SNX14: variants seen among roughly 807,000 people sequenced by gnomAD.
SNX14 encodes the protein sorting nexin 14, also known as sorting nexin-14.
In SNX14, 93 loss-of-function variants were observed where a neutral mutation model predicts 133.8. The ratio of observed to expected loss-of-function variants is 0.70; its 90% CI spans 0.59 to 0.83. The LOEUF (loss-of-function observed/expected upper bound fraction) is 0.83, where lower values mean the gene tolerates loss of function less well. Among genes scored for constraint, SNX14 ranks in the 40% least tolerant of loss-of-function variants. SNX14 has a pLI of 0.00. For missense variants in SNX14, 945 were observed against 1,094.9 expected (o/e 0.86, Z 1.93); for synonymous variants, 368 against 365.6 (o/e 1.01, Z -0.07).
chr6:85,505,749 C>A lies in SNX14; in HGVS notation c.*218G>T, dbSNP rs1174623556. 6 of 517,064 alleles carry A rather than the reference C, an allele frequency of 1.2e-5. No individual in the cohort carries two copies. The East Asian group carries it at 1.7e-4, about 15-fold the overall frequency. 32.0% of individuals were successfully genotyped at this position (517,064 alleles called of 1,614,324 possible). A position where few individuals can be genotyped will look rare whatever the true frequency, so the allele number is the denominator to read the frequency against. Reference sequence around the variant, plus strand: ...ATGGCAATAACAAGTGACTTATGTTCTAATAAAATTTGGATCACAGCTAGC... The same window carrying A: ...ATGGCAATAACAAGTGACTTATGTTATAATAAAATTTGGATCACAGCTAGC... On this transcript the variant is annotated 3_prime_UTR_variant, in exon 29 of 29. Coordinates refer to ENST00000314673, the MANE Select transcript of SNX14 (RefSeq NM_153816.6).
chr6:85,589,868 T>C (rs1802262694), intron 1 of SNX14, among the ~76,000 whole-genome samples: 1 of 152,252 alleles, frequency 6.6e-6, no homozygotes, highest in Non-Finnish European at 1.5e-5. Flanking sequence ...GTTCTCTCTA[T>C]TGGAGTTCTC....
chr6:85,523,263 G>A (rs1407839373), intron 21 of SNX14, among the ~76,000 whole-genome samples: 1 of 152,130 alleles, frequency 6.6e-6, no homozygotes, highest in Admixed American at 6.5e-5. Flanking sequence ...TTTAGATATG[G>A]TCAAACGTGT....
intron 1 of SNX14, among the ~76,000 whole-genome samples, chr6:85,592,728 G>A (rs1466363876): frequency 1.3e-5 from 2 of 151,642 alleles, no homozygotes; most frequent in East Asian, 3.9e-4. Context: ...GGTGGCTCAC[G>A]CCTGTAATCC....
intron 2 of SNX14, among the ~76,000 whole-genome samples, chr6:85,573,437 G>A (rs940692849): frequency 2.6e-5 from 4 of 151,942 alleles, no homozygotes; most frequent in Non-Finnish European, 4.4e-5. Flanking sequence ...CCAAAATGGC[G>A]CCACCGCACT....
rs1480633826 is a variant in SNX14 at position 85,547,577 on chromosome 6, A to C, written c.868-27T>G. On this transcript the variant is annotated intron_variant, in intron 9 of 28. Coordinates refer to ENST00000314673, the MANE Select transcript of SNX14 (RefSeq NM_153816.6). ...TAGTGGAAAATAATAAACATAAGTCAAAATAATTCCACTACTGTATTCTCC... is the reference window on the plus strand; with the variant it reads ...TAGTGGAAAATAATAAACATAAGTCCAAATAATTCCACTACTGTATTCTCC... 1.9e-6 allele frequency: 3 copies of C among 1,542,454 alleles called. No individual in the cohort carries two copies. The African/African-American group carries it at 4.2e-5, about 22-fold the overall frequency.
intron 26 of SNX14, among the ~76,000 whole-genome samples, chr6:85,509,124 TGAG>T (rs982081381): frequency 1.3e-5 from 2 of 152,184 alleles, no homozygotes; most frequent in Non-Finnish European, 1.5e-5. Flanking sequence ...AAGTAAGAGA[TGAG>T]GAGCAGAGGA....
At chr6:85,514,369 C>T (rs548916538) in intron 24 of SNX14, 135 bp from the exon 25 acceptor site, 7 of 1,421,388 alleles carry the variant, frequency 4.9e-6, no homozygotes, top group Admixed American at 4.4e-5. Context: ...ATGATCAAGG[C>T]CAATCGTATT....
intron 1 of SNX14, among the ~76,000 whole-genome samples, chr6:85,574,873 C>T (rs1796816114): frequency 6.6e-6 from 1 of 152,026 alleles, no homozygotes; most frequent in South Asian, 2.1e-4. Flanking sequence ...TGTGATCACA[C>T]ATGTGATATT....
intron 23 of SNX14, among the ~76,000 whole-genome samples, chr6:85,515,506 GGAGAAAGAGGGGAGGGGAGAGGGAAGAGA>G (rs1774647752): frequency 6.6e-6 from 1 of 151,902 alleles, no homozygotes; most frequent in African/African-American, 2.4e-5. Flanking sequence ...CTGTGAAAAG[GGAGAAAGAGGGGAGGGGAGAGGGAAGAGA>G]AGTAAGGAGA....
At chr6:85,547,015 G>T in intron 12 of SNX14, 97 bp downstream of exon 12, 217 of 595,976 alleles carry the variant, frequency 3.6e-4, no homozygotes, top group Middle Eastern at 6.0e-4. Context: ...TTAGTACAAT[G>T]ATAGATGGGT....
intron 5 of SNX14, among the ~76,000 whole-genome samples, chr6:85,566,251 C>T (rs1055980499): frequency 6.6e-6 from 1 of 152,188 alleles, no homozygotes; most frequent in African/African-American, 2.4e-5. Flanking sequence ...AAAGGCCTCA[C>T]CATCAGCTTT....
intron 3 of SNX14, 23 bp downstream of exon 3, chr6:85,572,275 A>C (rs1249084998): frequency 1.7e-5 from 27 of 1,611,642 alleles, no homozygotes; most frequent in Non-Finnish European, 2.1e-5. Context: ...AAGGATCAAC[A>C]AATAAAAAAA....
intron 1 of SNX14, among the ~76,000 whole-genome samples, chr6:85,587,200 G>T (rs901865784): frequency 7.6e-6 from 1 of 131,078 alleles, no homozygotes; most frequent in Admixed American, 7.3e-5. Context: ...TTCTTAAAAA[G>T]ATAAGGCAAA....
chr6:85,583,417 G>T (rs1415846953), intron 1 of SNX14, among the ~76,000 whole-genome samples: 1 of 152,150 alleles, frequency 6.6e-6, no homozygotes, highest in East Asian at 1.9e-4. Flanking sequence ...TCAGGCAAAA[G>T]AAAGAAATAA....
intron 26 of SNX14, among the ~76,000 whole-genome samples, chr6:85,512,826 G>T (rs531623667): frequency 4.2e-4 from 64 of 152,250 alleles, no homozygotes; most frequent in South Asian, 1.5e-3. Context: ...ACCTTGGGGG[G>T]CAGTGGCTTG....
At position 85,543,731 on chromosome 6, in the gene SNX14, C is replaced by G; in HGVS notation, c.1138G>C (p.Glu380Gln). Residue 380 changes from glutamate to glutamine, a missense_variant, in exon 13 of 29, where the codon GAA becomes CAA. By Grantham distance (29) the Glu-to-Gln change is conservative. Transcript: ENST00000314673. ...EEFNDRILRP[E>Q]LSNDEMLSLH... ...GACAGCATTTCATCATTTGATAATTCTGGTCGTAAAATTCTATCATTAAAT... is the reference window on the plus strand; with the variant it reads ...GACAGCATTTCATCATTTGATAATTGTGGTCGTAAAATTCTATCATTAAAT... 6.4e-7 allele frequency: 1 copy of G among 1,566,446 alleles called. No homozygotes were observed. The highest frequency in any genetic ancestry group is 8.7e-7 in the Non-Finnish European group (1 of 1,155,724).
chr6:85,584,107 C>A (rs1387117991), intron 1 of SNX14, among the ~76,000 whole-genome samples: 1 of 152,076 alleles, frequency 6.6e-6, no homozygotes, highest in Non-Finnish European at 1.5e-5. Context: ...CATCTACAAC[C>A]ATCTGATCTT....
intron 27 of SNX14, among the ~76,000 whole-genome samples, chr6:85,507,625 T>C (rs1771172084): frequency 6.6e-6 from 1 of 152,178 alleles, no homozygotes; most frequent in African/African-American, 2.4e-5. Context: ...TTATACATAG[T>C]TTACATAAAC....
chr6:85,564,873 C>T (rs1793218235), intron 6 of SNX14, among the ~76,000 whole-genome samples: 1 of 151,810 alleles, frequency 6.6e-6, no homozygotes, highest in South Asian at 2.1e-4. Flanking sequence ...CCTGTAGTCC[C>T]AGCTACTCGA....
Sources: gnomAD v4.1 joint callset for allele counts (sites outside exome capture counted in the v4.1 genomes callset) on GRCh38, gnomAD v4.1.1 for gene constraint, MANE v1.5 for transcripts, NCBI Gene and HGNC (gene_info 2026-07-23, HGNC 2026-07-21) for gene names.